SLC6A15: variants seen among roughly 807,000 people sequenced by gnomAD.
The protein encoded by SLC6A15 is sodium-dependent neutral amino acid transporter B(0)AT2.
Under a neutral mutation model 68.5 loss-of-function variants are expected in SLC6A15, and 33 were observed. The ratio of observed to expected loss-of-function variants is 0.48; its 90% CI spans 0.37 to 0.64. The LOEUF (loss-of-function observed/expected upper bound fraction) is 0.64. Ranked by LOEUF, SLC6A15 falls within the 30% of genes least tolerant of loss-of-function variation. SLC6A15 has a pLI of 0.00. For missense variants in SLC6A15, 747 were observed against 874.3 expected (o/e 0.85, Z 1.84); for synonymous variants, 347 against 301.0 (o/e 1.15, Z -1.58).
intron 2 of SLC6A15, among the ~76,000 whole-genome samples, chr12:84,886,525 C>T (rs1592604543): frequency 1.3e-5 from 2 of 150,694 alleles, no homozygotes; most frequent in Non-Finnish European, 3.0e-5. Context: ...ATGGCATTAA[C>T]GTTGACTTTT....
chr12:84,860,290 G>A lies in SLC6A15; in HGVS notation c.*1342C>T, dbSNP rs1270927787. The A allele has an allele frequency of 6.6e-6, 1 of 151,914 alleles. No individual in the cohort carries two copies. Among genetic ancestry groups the A allele is most frequent in the Non-Finnish European group, 1.5e-5 (1 of 67,910 alleles). 9.4% of individuals were successfully genotyped at this position (151,914 alleles called of 1,614,324 possible). A position where few individuals can be genotyped will look rare whatever the true frequency, so the allele number is the denominator to read the frequency against. ...GATAAATGAAAGATTTTTAACTAGA[G>A]GACACTCAGTGAGGTTCCTCTGCTC... On this transcript the variant is annotated 3_prime_UTR_variant, in exon 12 of 12. Coordinates refer to ENST00000266682, the MANE Select transcript of SLC6A15 (RefSeq NM_182767.6).
chr12:84,891,924 C>A lies in SLC6A15; in HGVS notation c.197G>T (p.Ser66Ile), dbSNP rs1286579595. Residue 66 changes from serine (S) to isoleucine (I), a missense_variant, in exon 2 of 12, where the codon AGT becomes ATT. Physicochemically the swap from Ser to Ile is moderately radical, Grantham distance 142 (BLOSUM62 -2). Transcript: ENST00000266682. ...TTGGGCCAGGATGTATTGTAGTTTACTGTTCCAAGCTGGTCTTTCATCTTC... is the reference window on the plus strand; with the variant it reads ...TTGGGCCAGGATGTATTGTAGTTTAATGTTCCAAGCTGGTCTTTCATCTTC... ...EVEDERPAWNSKLQYILAQVG... is the reference protein window; with the variant it reads ...EVEDERPAWNIKLQYILAQVG... 3.1e-6 allele frequency: 5 copies of A among 1,614,032 alleles called. No homozygotes were observed. Among genetic ancestry groups the A allele is most frequent in the Non-Finnish European group, 3.4e-6 (4 of 1,179,978 alleles).
rs1871330603 is a variant in SLC6A15, at chr12:84,872,541, T to C, written c.1302+61A>G. 7.7e-6 allele frequency: 11 copies of C among 1,422,980 alleles called. No homozygotes were observed. The East Asian group carries it at 1.8e-4, about 24-fold the overall frequency. The allele number at this position is 1,422,980 out of a possible 1,614,324, so 88.1% of individuals were successfully genotyped here. On this transcript the variant is annotated intron_variant, in intron 8 of 11. Transcript: ENST00000266682. ...GGCCCTTTTCCTGAAGGGAGTCTGCTGGATAATGCATATTTCAAGTGAATG... is the reference window on the plus strand; with the variant it reads ...GGCCCTTTTCCTGAAGGGAGTCTGCCGGATAATGCATATTTCAAGTGAATG...
rs67339994 is a variant in SLC6A15, at chr12:84,895,339, A to ATTTTTTTTTTTTTTTTTTTTTT, written c.-188-3053_-188-3032dup. Among the ~76,000 whole-genome samples, 11 of 54,780 alleles carry ATTTTTTTTTTTTTTTTTTTTTT rather than the reference A, an allele frequency of 2.0e-4. 2 individuals are homozygous for ATTTTTTTTTTTTTTTTTTTTTT. Among genetic ancestry groups the ATTTTTTTTTTTTTTTTTTTTTT allele is most frequent in the African/African-American group, 2.7e-4 (4 of 14,838 alleles). The allele number at this position is 54,780 out of a possible 152,430, so 35.9% of individuals were successfully genotyped here. On this transcript the variant is annotated intron_variant, in intron 1 of 11. Coordinates refer to ENST00000266682, the MANE Select transcript of SLC6A15 (RefSeq NM_182767.6). ...CTTAGATGTTTTCATTTTTGTTTGT[A>ATTTTTTTTTTTTTTTTTTTTTT]TTTTTTTTTTTTTTTTTTTTTTTTT...
chr12:84,908,002 A>C (rs564219962), intron 1 of SLC6A15, among the ~76,000 whole-genome samples: 1 of 152,344 alleles, frequency 6.6e-6, no homozygotes, highest in Non-Finnish European at 1.5e-5. Context: ...TATGGAGAAC[A>C]GAGTAGAGAT....
intron 1 of SLC6A15, among the ~76,000 whole-genome samples, chr12:84,903,401 A>C: frequency 6.6e-6 from 1 of 152,304 alleles, no homozygotes; most frequent in Middle Eastern, 3.4e-3. Context: ...AAAATAAAAT[A>C]AAATATACTA....
chr12:84,876,496 C>T lies in SLC6A15; in HGVS notation c.867+1G>A. 1 of 1,510,782 alleles carries T rather than the reference C, an allele frequency of 6.6e-7. No homozygotes were observed. Among genetic ancestry groups the T allele is most frequent in the East Asian group, 2.3e-5 (1 of 43,670 alleles). The allele number at this position is 1,510,782 out of a possible 1,614,324, so 93.6% of individuals were successfully genotyped here. On this transcript the variant is annotated splice_donor_variant, in intron 6 of 11. Transcript: ENST00000266682. LOFTEE classifies it high-confidence loss of function. ...GCCTTAAATAGAAATATGGTACATA[C>T]CTTAGGGGTAAACATGTGGCGAATG...
intron 5 of SLC6A15, chr12:84,882,179 G>A: frequency 1.0e-6 from 1 of 985,332 alleles, no homozygotes; most frequent in Non-Finnish European, 1.2e-6. Flanking sequence ...GAGTTTTTGA[G>A]CTTCTCTGGA....
chr12:84,895,337 GTATTTTTTTTTTT>G (rs1349422774), intron 1 of SLC6A15, among the ~76,000 whole-genome samples: 15 of 65,424 alleles, frequency 2.3e-4, no homozygotes, highest in Admixed American at 2.2e-3. Flanking sequence ...ATTTTTGTTT[GTATTTTTTTTTTT>G]TTTTTTTTTT....
At chr12:84,906,679 G>GA (rs1565735084) in intron 1 of SLC6A15, among the ~76,000 whole-genome samples, 1 of 151,996 alleles carries the variant, frequency 6.6e-6, no homozygotes, top group Admixed American at 6.6e-5. Flanking sequence ...TTTCAATGGA[G>GA]AAAAAAATAG....
chr12:84,912,315 CAG>C (rs1366315388), intron 1 of SLC6A15, among the ~76,000 whole-genome samples: 1 of 152,156 alleles, frequency 6.6e-6, no homozygotes, highest in Admixed American at 6.5e-5. Flanking sequence ...TACAGAGATG[CAG>C]AGTTAGACGG....
chr12:84,898,524 T>C (rs1525546), intron 1 of SLC6A15, among the ~76,000 whole-genome samples: 6,266 of 152,258 alleles, frequency 0.041, 404 homozygotes, highest in African/African-American at 0.14. Context: ...AGAAAGAGAC[T>C]ATCTGAGTTC....
chr12:84,885,775 A>G, intron 3 of SLC6A15, 136 bp downstream of exon 3: 1 of 1,000,834 alleles, frequency 1.0e-6, no homozygotes, highest in Non-Finnish European at 1.4e-6. Context: ...TAGTTAATCC[A>G]TATGCCAGTA....
At chr12:84,875,113 T>G (rs566562477) in intron 6 of SLC6A15, among the ~76,000 whole-genome samples, 1 of 152,202 alleles carries the variant, frequency 6.6e-6, no homozygotes, top group Non-Finnish European at 1.5e-5. Flanking sequence ...TAGAATTTTG[T>G]CACAAGCAAT....
At chr12:84,880,432 G>A (rs1235434332) in intron 5 of SLC6A15, among the ~76,000 whole-genome samples, 2 of 151,984 alleles carry the variant, frequency 1.3e-5, no homozygotes, top group African/African-American at 2.4e-5. Flanking sequence ...CTCTCCATGC[G>A]TTACGTCTTA....
chr12:84,895,579 C>G (rs1205718501), intron 1 of SLC6A15, among the ~76,000 whole-genome samples: 1 of 151,658 alleles, frequency 6.6e-6, no homozygotes, highest in African/African-American at 2.4e-5. Context: ...GAACTCCTGA[C>G]CTCGTGATCC....
At chr12:84,899,563 T>A (rs1337085972) in intron 1 of SLC6A15, among the ~76,000 whole-genome samples, 1 of 152,178 alleles carries the variant, frequency 6.6e-6, no homozygotes, top group Non-Finnish European at 1.5e-5. Context: ...TCCCATTGTT[T>A]CTTTGAGCTC....
rs139468723 is a variant in SLC6A15, at chr12:84,904,604, T to A, written c.-189+7919A>T. ...TATGTAGAGGATATGTGGTTTAGGT[T>A]TTTAAATACACACAGTGATTTCATA... On this transcript the variant is annotated intron_variant, in intron 1 of 11. Transcript: ENST00000266682. Among the ~76,000 whole-genome samples the A allele has an allele frequency of 6.5e-3, 991 of 152,324 alleles. 15 individuals are homozygous for A. The highest frequency in any genetic ancestry group is 0.023 in the African/African-American group (948 of 41,570).
Position 84,863,534 on chromosome 12 carries a change from A to G in SLC6A15, c.1723T>C (p.Tyr575His), listed in dbSNP as rs763670149. The change falls in exon 11 of 12, where the codon TAT becomes CAT. Residue 575 changes from tyrosine to histidine, a missense_variant. Physicochemically the swap from Tyr to His is moderately conservative, Grantham distance 83 (BLOSUM62 2). Transcript: ENST00000266682. ...GATAATAGCATTAGAGGAGAAATAT[A>G]TTTCCACATATAGTAGTAATATCTG... The part of the protein sequence containing the change: ...PSRYYYYMWK[Y>H]ISPLMLLSLL... The G allele has an allele frequency of 1.3e-6, 2 of 1,596,536 alleles. No homozygotes were observed. Among genetic ancestry groups the G allele is most frequent in the Non-Finnish European group, 1.7e-6 (2 of 1,173,778 alleles).
Sources: allele counts gnomAD v4.1 joint callset (sites outside exome capture counted in the v4.1 genomes callset), GRCh38; gene constraint gnomAD v4.1.1; transcripts MANE v1.5; gene names NCBI Gene and HGNC (gene_info 2026-07-23, HGNC 2026-07-21).